DDIAS: variants seen among roughly 807,000 people sequenced by gnomAD.
DDIAS encodes DNA damage-induced apoptosis suppressor protein.
In DDIAS, 14 loss-of-function variants were observed where a neutral mutation model predicts 15.7. The ratio of observed to expected loss-of-function variants is 0.89; its 90% CI spans 0.59 to 1.39. The LOEUF is 1.39. Among genes scored for constraint, DDIAS ranks in the 40% most tolerant of loss-of-function variants. DDIAS has a pLI of 0.00. For missense variants in DDIAS, 1,035 were observed against 1,130.9 expected, an observed-to-expected ratio of 0.92 and a Z score of 1.22; for synonymous variants, 355 against 395.9, an observed-to-expected ratio of 0.90 and a Z score of 1.23.
intron 3 of DDIAS, among the ~76,000 whole-genome samples, chr11:82,924,081 C>A (rs61902279): frequency 0.022 from 3,420 of 152,314 alleles, 74 homozygotes; most frequent in East Asian, 0.092. Context: ...GCTACCTATC[C>A]TCTCCCCCAT....
intron 2 of DDIAS, chr11:82,913,839 T>C: frequency 5.1e-6 from 2 of 391,238 alleles, no homozygotes; most frequent in Non-Finnish European, 9.9e-6. Flanking sequence ...TGCACATAAT[T>C]AATGAGATGC....
chr11:82,921,699 C>G (rs1023979463), intron 3 of DDIAS, among the ~76,000 whole-genome samples: 4 of 151,482 alleles, frequency 2.6e-5, no homozygotes, highest in African/African-American at 9.7e-5. Flanking sequence ...CTGCCTCAGC[C>G]TCCCGAGTAG....
chr11:82,901,979 A>T (rs3763813), intron 1 of DDIAS, among the ~76,000 whole-genome samples, 157 bp downstream of exon 1: 73,745 of 152,018 alleles, frequency 0.49, 18,180 homozygotes, highest in African/African-American at 0.57. Flanking sequence ...ACAGAATATA[A>T]ACGTCAGTTA....
chr11:82,919,659 A>G (rs1565246721), intron 3 of DDIAS, among the ~76,000 whole-genome samples: 1 of 152,228 alleles, frequency 6.6e-6, no homozygotes, highest in East Asian at 1.9e-4. Flanking sequence ...GAATAGCGTC[A>G]GAAGGATTGG....
At chr11:82,920,464 T>C (rs1860722648) in intron 3 of DDIAS, among the ~76,000 whole-genome samples, 1 of 152,244 alleles carries the variant, frequency 6.6e-6, no homozygotes, top group Non-Finnish European at 1.5e-5. Context: ...AGGTGTGACC[T>C]TAGAATGTCA....
intron 1 of DDIAS, among the ~76,000 whole-genome samples, chr11:82,908,142 A>G (rs1297908009): frequency 6.6e-6 from 1 of 152,226 alleles, no homozygotes; most frequent in Non-Finnish European, 1.5e-5. Context: ...GACAATAAAG[A>G]ACCGACTATT....
intron 3 of DDIAS, among the ~76,000 whole-genome samples, chr11:82,922,059 G>T (rs1352602317): frequency 1.3e-5 from 2 of 152,134 alleles, no homozygotes; most frequent in Admixed American, 6.5e-5. Flanking sequence ...TAGCTTGTAG[G>T]GTTTCTGCAA....
At chr11:82,914,001 A>G (rs1335928638) in intron 2 of DDIAS, 8 of 421,004 alleles carry the variant, frequency 1.9e-5, no homozygotes, top group Admixed American at 8.7e-5. Flanking sequence ...CCATGGTGCA[A>G]TCTCGGCTCA....
intron 3 of DDIAS, among the ~76,000 whole-genome samples, chr11:82,927,637 AT>A (rs1482406986): frequency 2.8e-5 from 4 of 141,030 alleles, no homozygotes; most frequent in South Asian, 2.2e-4. Context: ...TTTCAAAAAA[AT>A]TTTTTAAACT....
chr11:82,917,003 A>C (rs1233828866), intron 3 of DDIAS, among the ~76,000 whole-genome samples: 1 of 152,188 alleles, frequency 6.6e-6, no homozygotes, highest in Non-Finnish European at 1.5e-5. Flanking sequence ...CTCGGAAAGG[A>C]CTTGTGACTG....
In DDIAS at chr11:82,933,440, T is replaced by C; in HGVS notation, c.2102T>C (p.Leu701Ser). Residue 701 changes from leucine (L) to serine (S), a missense_variant, in exon 6 of 6, where the codon TTG becomes TCG. Leu to Ser is a moderately radical substitution (Grantham distance 145). Coordinates refer to ENST00000533655, the MANE Select transcript of DDIAS (RefSeq NM_145018.4). ...ATTACCAAAAAATCACAGGATATTT[T>C]GTTAAAATGGGGAACATCTTTGGCA... ...TEITKKSQDI[L>S]LKWGTSLAES... The C allele has an allele frequency of 6.2e-7, 1 of 1,613,956 alleles. No homozygotes were observed. Among genetic ancestry groups the C allele is most frequent in the Non-Finnish European group, 8.5e-7 (1 of 1,179,966 alleles).
At chr11:82,931,530 G>T (rs1178114288) in intron 5 of DDIAS, among the ~76,000 whole-genome samples, 1 of 151,912 alleles carries the variant, frequency 6.6e-6, no homozygotes, top group African/African-American at 2.4e-5. Context: ...TTTTGTGGGG[G>T]TATTTTTTTT....
At chr11:82,912,846 A>G (rs1299415722) in intron 1 of DDIAS, among the ~76,000 whole-genome samples, 1 of 152,158 alleles carries the variant, frequency 6.6e-6, no homozygotes, top group Non-Finnish European at 1.5e-5. Flanking sequence ...TTTCACCTGA[A>G]CACCTAGAGG....
At chr11:82,916,753 C>A (rs894833251) in intron 3 of DDIAS, among the ~76,000 whole-genome samples, 6 of 152,074 alleles carry the variant, frequency 3.9e-5, no homozygotes, top group African/African-American at 1.4e-4. Context: ...AATACAATAG[C>A]CCTATGAAGT....
Position 82,934,600 on chromosome 11 carries a change from A to G in DDIAS, c.*265A>G, listed in dbSNP as rs1246611808. ...TAATATTGTTAAGATTGTTTTTGAAAGTATTAATGTTTGTTAAAATCACAT... is the reference window on the plus strand; with the variant it reads ...TAATATTGTTAAGATTGTTTTTGAAGGTATTAATGTTTGTTAAAATCACAT... On this transcript the variant is annotated 3_prime_UTR_variant, in exon 6 of 6. Coordinates refer to ENST00000533655, the MANE Select transcript of DDIAS (RefSeq NM_145018.4). 9.3e-6 allele frequency: 3 copies of G among 323,012 alleles called. No homozygotes were observed. The highest frequency in any genetic ancestry group is 1.7e-5 in the Non-Finnish European group (3 of 180,824). 20.0% of individuals were successfully genotyped at this position (323,012 alleles called of 1,614,324 possible). A position where few individuals can be genotyped will look rare whatever the true frequency, so the allele number is the denominator to read the frequency against.
chr11:82,916,817 T>TTAAG (rs1860641489), intron 3 of DDIAS, among the ~76,000 whole-genome samples: 1 of 152,158 alleles, frequency 6.6e-6, no homozygotes, highest in Non-Finnish European at 1.5e-5. Context: ...CTTGGGAAAG[T>TTAAG]TAAGTAACTT....
rs368436233 is a variant in DDIAS, at chr11:82,918,813, G to GT, written c.113+3970dup. On this transcript the variant is annotated intron_variant, in intron 3 of 5. Coordinates refer to ENST00000533655, the MANE Select transcript of DDIAS (RefSeq NM_145018.4). The stretch of plus-strand genomic sequence containing the variant: ...CTTGGTTAGGTATCTTCCTAAATTT[G>GT]TTTTTTTTGTGTGGTTTTTTTTTGT... 7.6e-3 allele frequency among the ~76,000 whole-genome samples: 1,150 copies of GT among 150,998 alleles called. 12 individuals are homozygous for GT. Among genetic ancestry groups the GT allele is most frequent in the African/African-American group, 0.025 (1,029 of 41,146 alleles).
Position 82,933,647 on chromosome 11 carries a change from C to T in DDIAS, c.2309C>T (p.Pro770Leu), listed in dbSNP as rs1487802796. 1 of 1,613,968 alleles carries T rather than the reference C, an allele frequency of 6.2e-7. No homozygotes were observed. Among genetic ancestry groups the T allele is most frequent in the South Asian group, 1.1e-5 (1 of 91,034 alleles). ...TTTGAAAATAGTCAAGACTTTGTTCCATGTTCACAGTCAACTCCAATTTCA... is the reference window on the plus strand; with the variant it reads ...TTTGAAAATAGTCAAGACTTTGTTCTATGTTCACAGTCAACTCCAATTTCA... ...YNFENSQDFV[P>L]CSQSTPISGF... Residue 770 changes from proline (P) to leucine (L), a missense_variant, in exon 6 of 6, where the codon CCA becomes CTA. Pro to Leu is a moderately conservative substitution (Grantham distance 98, BLOSUM62 -3). Coordinates refer to ENST00000533655, the MANE Select transcript of DDIAS (RefSeq NM_145018.4).
At chr11:82,903,090 A>G (rs1860356023) in intron 1 of DDIAS, among the ~76,000 whole-genome samples, 1 of 152,242 alleles carries the variant, frequency 6.6e-6, no homozygotes, top group Admixed American at 6.5e-5. Flanking sequence ...CTGAGGCAGG[A>G]AAGAGCTTGA....
Sources: gnomAD v4.1 joint callset for allele counts (sites outside exome capture counted in the v4.1 genomes callset) on GRCh38, gnomAD v4.1.1 for gene constraint, MANE v1.5 for transcripts, NCBI Gene and HGNC (gene_info 2026-07-23, HGNC 2026-07-21) for gene names.